MARK4: variants seen among roughly 807,000 people sequenced by gnomAD.
MARK4 encodes microtubule affinity regulating kinase 4.
A neutral mutation model predicts 81.5 loss-of-function variants in MARK4; 19 were observed. That is an observed-to-expected ratio of 0.23 (90% CI 0.16 to 0.34). MARK4 has a LOEUF of 0.34. Ranked by LOEUF, MARK4 falls within the 10% of genes least tolerant of loss-of-function variation. The pLI is 1.00. For missense variants in MARK4, 772 were observed against 1,058.8 expected, an observed-to-expected ratio of 0.73 and a Z score of 3.76; for synonymous variants, 436 against 439.0, an observed-to-expected ratio of 0.99 and a Z score of 0.08.
intron 16 of MARK4, among the ~76,000 whole-genome samples, chr19:45,301,937 G>C (rs1331292967): frequency 1.7e-4 from 26 of 152,150 alleles, no homozygotes; most frequent in Admixed American, 1.7e-3. Flanking sequence ...GCCAAGCCAG[G>C]CTGGTAAGGC....
intron 13 of MARK4, among the ~76,000 whole-genome samples, chr19:45,293,507 C>G (rs144487324): frequency 0.013 from 1,981 of 152,222 alleles, 22 homozygotes; most frequent in South Asian, 0.024. Context: ...AAATAGAAAA[C>G]CTGAACAGTC....
intron 1 of MARK4, among the ~76,000 whole-genome samples, chr19:45,252,150 G>C (rs1970252220): frequency 6.6e-6 from 1 of 151,678 alleles, no homozygotes; most frequent in African/African-American, 2.4e-5. Flanking sequence ...CCAGCCCTCT[G>C]CCCCTCCAGG....
chr19:45,258,434 A>T (rs1970337321), intron 1 of MARK4, among the ~76,000 whole-genome samples: 1 of 151,964 alleles, frequency 6.6e-6, no homozygotes, highest in Non-Finnish European at 1.5e-5. Flanking sequence ...TTGGGGCTGG[A>T]TGCGGTGGCT....
chr19:45,290,904 G>A (rs1021633343), intron 13 of MARK4, among the ~76,000 whole-genome samples: 18 of 152,172 alleles, frequency 1.2e-4, no homozygotes, highest in African/African-American at 4.3e-4. Context: ...CGTGGGGATG[G>A]GCCAGGAGAG....
At chr19:45,278,928 A>G (rs1470322727) in intron 10 of MARK4, among the ~76,000 whole-genome samples, 1 of 152,074 alleles carries the variant, frequency 6.6e-6, no homozygotes, top group Non-Finnish European at 1.5e-5. Flanking sequence ...ATATTAAGAC[A>G]TAAAGAGAGA....
intron 12 of MARK4, among the ~76,000 whole-genome samples, chr19:45,282,094 G>C (rs534599647): frequency 2.6e-5 from 4 of 151,766 alleles, no homozygotes; most frequent in Admixed American, 2.0e-4. Context: ...GTGTTGGTGC[G>C]TGCCTATAAT....
rs1476055475 is a variant in MARK4 at position 45,258,022 on chromosome 19, A to G, written c.52-967A>G. Among the ~76,000 whole-genome samples, 5 of 126,964 alleles carry G rather than the reference A, an allele frequency of 3.9e-5. No homozygotes were observed. In the East Asian group the frequency reaches 7.1e-4, roughly 18 times the overall value. 83.3% of individuals were successfully genotyped at this position (126,964 alleles called of 152,430 possible). A position where few individuals can be genotyped will look rare whatever the true frequency, so the allele number is the denominator to read the frequency against. ...TTTTTTTTAGACCAAGTCTCACTCTATCACTCTGGCTAGAGTGCAGTAGAG... is the reference window on the plus strand; with the variant it reads ...TTTTTTTTAGACCAAGTCTCACTCTGTCACTCTGGCTAGAGTGCAGTAGAG... On this transcript the variant is annotated intron_variant, in intron 1 of 16. Coordinates refer to ENST00000262891, the MANE Select transcript of MARK4 (RefSeq NM_001199867.2).
chr19:45,265,852 GGT>G (rs1165541004), intron 6 of MARK4, among the ~76,000 whole-genome samples: 1 of 151,928 alleles, frequency 6.6e-6, no homozygotes, highest in Non-Finnish European at 1.5e-5. Flanking sequence ...AAGATGTGCA[GGT>G]GTGAGGGTGT....
chr19:45,294,314 CCCCCTCACT>C, intron 13 of MARK4, 26 bp from the exon 14 acceptor site: 6 of 1,592,394 alleles, frequency 3.8e-6, no homozygotes, highest in Non-Finnish European at 4.3e-6. Context: ...CATGTCTTCA[CCCCCTCACT>C]CCCTTCCTGG....
In MARK4 at chr19:45,263,309, C is replaced by A. The variant is rs867872980; in HGVS notation, c.307-10C>A. 2 of 1,614,072 alleles carry A rather than the reference C, an allele frequency of 1.2e-6. No homozygotes were observed. The highest frequency in any genetic ancestry group is 2.7e-5 in the African/African-American group (2 of 74,932). ...CACTCTCCTCTGTCTTCCTTTCTGGCCACGCCCAGCTGTTCCGAGAAGTCC... is the reference window on the plus strand; with the variant it reads ...CACTCTCCTCTGTCTTCCTTTCTGGACACGCCCAGCTGTTCCGAGAAGTCC... On this transcript the variant is annotated splice_polypyrimidine_tract_variant and intron_variant, in intron 3 of 16. Coordinates refer to ENST00000262891, the MANE Select transcript of MARK4 (RefSeq NM_001199867.2).
At chr19:45,273,990 C>G (rs989214396) in intron 8 of MARK4, among the ~76,000 whole-genome samples, 3 of 152,224 alleles carry the variant, frequency 2.0e-5, no homozygotes, top group African/African-American at 7.2e-5. Flanking sequence ...TGGCTCACGC[C>G]TGTAATCCCA....
At chr19:45,299,728 C>T in intron 15 of MARK4, 83 bp from the exon 16 acceptor site, 1 of 1,320,390 alleles carries the variant, frequency 7.6e-7, no homozygotes, top group Admixed American at 2.1e-5. Flanking sequence ...GCAGGGGCTG[C>T]TTGGAGTCCC....
intron 1 of MARK4, among the ~76,000 whole-genome samples, chr19:45,257,594 G>T (rs1970324265): frequency 6.6e-6 from 1 of 151,804 alleles, no homozygotes; most frequent in Admixed American, 6.6e-5. Context: ...GTGTTGGCCA[G>T]GCAAGTTTCA....
chr19:45,274,940 G>T (rs554480581), intron 8 of MARK4, among the ~76,000 whole-genome samples: 29 of 152,246 alleles, frequency 1.9e-4, no homozygotes, highest in Admixed American at 1.9e-3. Flanking sequence ...CTGAACCTCA[G>T]TTTCCCCACC....
chr19:45,287,709 G>A, intron 13 of MARK4, 45 bp downstream of exon 13: 3 of 1,575,170 alleles, frequency 1.9e-6, no homozygotes, highest in Non-Finnish European at 2.6e-6. Flanking sequence ...CGCCACCTGG[G>A]CCACATTCCT....
intron 13 of MARK4, 30 bp downstream of exon 13, chr19:45,287,694 G>A (rs1318272656): frequency 2.5e-6 from 4 of 1,591,310 alleles, no homozygotes; most frequent in Non-Finnish European, 3.4e-6. Flanking sequence ...GGGCAGGGCT[G>A]GGGGCGCCAC....
intron 4 of MARK4, 108 bp downstream of exon 4, chr19:45,263,475 C>G (rs1970406571): frequency 7.3e-7 from 1 of 1,373,194 alleles, no homozygotes; most frequent in African/African-American, 1.4e-5. Context: ...GGCGCAGTGG[C>G]TCACTCCTGT....
chr19:45,267,748 C>T (rs755608613), intron 7 of MARK4, among the ~76,000 whole-genome samples: 6 of 152,184 alleles, frequency 3.9e-5, no homozygotes, highest in Admixed American at 6.5e-5. Flanking sequence ...GTAGCCTCAA[C>T]CTCTTGGGCT....
At chr19:45,252,017 C>T (rs1368275441) in intron 1 of MARK4, among the ~76,000 whole-genome samples, 1 of 151,956 alleles carries the variant, frequency 6.6e-6, no homozygotes, top group East Asian at 1.9e-4. Context: ...TTGCAGGGCC[C>T]CTGACCCCCC....
Sources: allele counts gnomAD v4.1 joint callset (sites outside exome capture counted in the v4.1 genomes callset), GRCh38; gene constraint gnomAD v4.1.1; transcripts MANE v1.5; gene names NCBI Gene and HGNC (gene_info 2026-07-23, HGNC 2026-07-21).